COPG2: variants seen among roughly 807,000 people sequenced by gnomAD.
COPG2 encodes coat protein complex I subunit gamma 2.
COPG2 carries 37 observed loss-of-function variants against 46.3 expected under a neutral mutation model. The observed-to-expected ratio is 0.80, with a 90% confidence interval of 0.61 to 1.05. COPG2 has a LOEUF of 1.05. COPG2 is among the 50% of genes least tolerant of loss of function. The pLI is 0.00. For synonymous variants in COPG2, 159 were observed against 129.7 expected, an observed-to-expected ratio of 1.23 and a Z score of -1.53; for missense variants, 427 against 387.8, an observed-to-expected ratio of 1.10 and a Z score of -0.85.
chr7:130,652,478 G>A (rs1795766904), intron 5 of COPG2, among the ~76,000 whole-genome samples: 1 of 152,154 alleles, frequency 6.6e-6, no homozygotes, highest in African/African-American at 2.4e-5. Context: ...ACTATCTAAA[G>A]ACGTTTAGAT....
At chr7:130,595,856 A>G (rs782139739) in intron 9 of COPG2, among the ~76,000 whole-genome samples, 1 of 152,102 alleles carries the variant, frequency 6.6e-6, no homozygotes, top group Non-Finnish European at 1.5e-5. Context: ...AGCCCAGAGC[A>G]TCATCAGCCA....
intron 9 of COPG2, among the ~76,000 whole-genome samples, chr7:130,590,269 C>T (rs1006643644): frequency 1.3e-5 from 2 of 152,006 alleles, no homozygotes; most frequent in Admixed American, 6.5e-5. Context: ...CACGGTCTCC[C>T]TCTCCCTCTC....
At chr7:130,639,636 G>C (rs1189088477) in intron 5 of COPG2, among the ~76,000 whole-genome samples, 3 of 152,224 alleles carry the variant, frequency 2.0e-5, no homozygotes, top group Non-Finnish European at 1.5e-5. Flanking sequence ...AACCCAGTTA[G>C]TTTCAGATTA....
At chr7:130,619,467 T>A (rs1795002037) in intron 5 of COPG2, among the ~76,000 whole-genome samples, 1 of 152,286 alleles carries the variant, frequency 6.6e-6, no homozygotes, top group South Asian at 2.1e-4. Context: ...GCAAAAAAAT[T>A]AATGCACGTA....
chr7:130,636,422 G>A (rs559140880), intron 5 of COPG2, among the ~76,000 whole-genome samples: 1 of 152,012 alleles, frequency 6.6e-6, no homozygotes, highest in Non-Finnish European at 1.5e-5. Context: ...ATATATTTAG[G>A]ATAGTTAGCT....
chr7:130,604,222 T>C (rs1794688281), intron 9 of COPG2, among the ~76,000 whole-genome samples: 1 of 152,230 alleles, frequency 6.6e-6, no homozygotes, highest in South Asian at 2.1e-4. Context: ...CACACAAATG[T>C]AGGCATTTCT....
chr7:130,621,851 G>T, intron 5 of COPG2, among the ~76,000 whole-genome samples: 1 of 150,996 alleles, frequency 6.6e-6, no homozygotes, highest in Non-Finnish European at 1.5e-5. Flanking sequence ...GGCTGAGGTG[G>T]GAGAGTCACT....
At chr7:130,519,308 A>G (rs1459844459) in intron 20 of COPG2, among the ~76,000 whole-genome samples, 2 of 152,186 alleles carry the variant, frequency 1.3e-5, no homozygotes, top group Admixed American at 1.3e-4. Flanking sequence ...TGTTGGAAAA[A>G]GATTTGAAGC....
chr7:130,558,842 CAACT>C (rs1793672848), intron 12 of COPG2, among the ~76,000 whole-genome samples: 7 of 151,858 alleles, frequency 4.6e-5, no homozygotes, highest in Admixed American at 3.9e-4. Context: ...TTTTGGGGGG[CAACT>C]AACTGTGTAG....
Position 130,547,354 on chromosome 7 carries a change from A to C in COPG2, c.2149+320T>G, listed in dbSNP as rs1484979035. On this transcript the variant is annotated intron_variant, in intron 20 of 23. Coordinates refer to ENST00000425248, the MANE Select transcript of COPG2 (RefSeq NM_012133.6). The stretch of plus-strand genomic sequence containing the variant: ...TCTTCACAGGAGACCAGGTATATGA[A>C]CTCTCACAAGTGGTCACATTATTCC... 7 of 239,740 alleles carry C rather than the reference A, an allele frequency of 2.9e-5. No homozygotes were observed. In the East Asian group the frequency reaches 5.4e-4, roughly 19 times the overall value. The allele number at this position is 239,740 out of a possible 1,614,324, so 14.9% of individuals were successfully genotyped here.
At chr7:130,635,182 G>A (rs1209692996) in intron 5 of COPG2, among the ~76,000 whole-genome samples, 2 of 151,608 alleles carry the variant, frequency 1.3e-5, no homozygotes, top group African/African-American at 4.8e-5. Flanking sequence ...TTTTTTTGTT[G>A]TGTCTCTGCC....
At chr7:130,594,174 G>GA (rs1794482210) in intron 9 of COPG2, among the ~76,000 whole-genome samples, 2 of 152,090 alleles carry the variant, frequency 1.3e-5, no homozygotes, top group Admixed American at 1.3e-4. Context: ...AGTAAACACA[G>GA]AAAAAAGTTG....
At chr7:130,647,641 T>C (rs1795641427) in intron 5 of COPG2, among the ~76,000 whole-genome samples, 1 of 152,156 alleles carries the variant, frequency 6.6e-6, no homozygotes, top group Admixed American at 6.5e-5. Flanking sequence ...TTGTTCCAAA[T>C]GTTCGATATT....
intron 5 of COPG2, among the ~76,000 whole-genome samples, chr7:130,643,655 G>C (rs1464169298): frequency 6.6e-6 from 1 of 152,078 alleles, no homozygotes; most frequent in Non-Finnish European, 1.5e-5. Context: ...AATAAACACA[G>C]ACTTTTAAGA....
chr7:130,588,439 A>G (rs1367089463), intron 9 of COPG2, among the ~76,000 whole-genome samples: 4 of 152,066 alleles, frequency 2.6e-5, no homozygotes, highest in African/African-American at 9.7e-5. Context: ...AATGTGGCCC[A>G]TATACACCAT....
intron 11 of COPG2, 95 bp downstream of exon 11, chr7:130,563,174 A>T (rs1793743432): frequency 2.6e-6 from 1 of 390,376 alleles, no homozygotes; most frequent in South Asian, 1.3e-4. Context: ...CATAAATCAC[A>T]TATACTAACC....
rs375372360 is a variant in COPG2 at position 130,610,376 on chromosome 7, C to T, written c.737+577G>A. ...TCTAGAGATCTTTCTCTGTGTTACA[C>T]CTCAGTTTGCCAGGCCACATAAGAA... is the stretch of plus-strand genomic sequence containing the variant. On this transcript the variant is annotated intron_variant, in intron 9 of 23. Coordinates refer to ENST00000425248, the MANE Select transcript of COPG2 (RefSeq NM_012133.6). The T allele has an allele frequency of 6.2e-4, 217 of 349,742 alleles. 1 individual carries two copies. The highest frequency in any genetic ancestry group is 3.9e-3 in the Middle Eastern group (9 of 2,324). The allele number at this position is 349,742 out of a possible 1,614,324, so 21.7% of individuals were successfully genotyped here. A position where few individuals can be genotyped will look rare whatever the true frequency, so the allele number is the denominator to read the frequency against.
intron 5 of COPG2, among the ~76,000 whole-genome samples, chr7:130,647,174 G>A (rs1419423059): frequency 6.6e-6 from 1 of 151,878 alleles, no homozygotes; most frequent in Non-Finnish European, 1.5e-5. Flanking sequence ...CTGAGTAGCT[G>A]AGACTACAGG....
At chr7:130,586,204 A>C (rs930536242) in intron 9 of COPG2, among the ~76,000 whole-genome samples, 1 of 152,064 alleles carries the variant, frequency 6.6e-6, no homozygotes, top group Non-Finnish European at 1.5e-5. Context: ...ATTCTAAGTG[A>C]AGTAACTCAG....
Sources: gnomAD v4.1 joint callset for allele counts (sites outside exome capture counted in the v4.1 genomes callset) on GRCh38, gnomAD v4.1.1 for gene constraint, MANE v1.5 for transcripts, NCBI Gene and HGNC (gene_info 2026-07-23, HGNC 2026-07-21) for gene names.